Variants in NBEA observed in about 807,000 individuals in gnomAD.
NBEA encodes the protein lysosomal-trafficking regulator 2.
A neutral mutation model predicts 343.4 loss-of-function variants in NBEA; 44 were observed. The ratio of observed to expected loss-of-function variants is 0.13; its 90% CI spans 0.10 to 0.16. NBEA has a LOEUF of 0.16. NBEA is among the 10% of genes least tolerant of loss of function. The pLI is 1.00. For synonymous variants in NBEA, 1,175 were observed against 1,238.7 expected (o/e 0.95, Z 1.08); for missense variants, 2,555 against 3,631.3 (o/e 0.70, Z 7.62).
At chr13:35,311,495 A>G (rs899926741) in intron 36 of NBEA, among the ~76,000 whole-genome samples, 6 of 152,038 alleles carry the variant, frequency 3.9e-5, no homozygotes. Flanking sequence ...TCAGTGGTAG[A>G]ATTTGGGATT....
At chr13:35,566,305 G>A (rs1312528683) in intron 44 of NBEA, among the ~76,000 whole-genome samples, 1 of 152,164 alleles carries the variant, frequency 6.6e-6, no homozygotes, top group Non-Finnish European at 1.5e-5. Flanking sequence ...AGGTTGCGGT[G>A]AGCCAAGATC....
intron 49 of NBEA, among the ~76,000 whole-genome samples, chr13:35,631,620 C>A (rs1455217821): frequency 2.5e-5 from 3 of 121,430 alleles, no homozygotes; most frequent in East Asian, 2.5e-4. Context: ...ATATGAATAT[C>A]TATATATGTC....
chr13:35,283,322 A>G (rs909782219), intron 34 of NBEA, among the ~76,000 whole-genome samples: 1 of 152,174 alleles, frequency 6.6e-6, no homozygotes, highest in Non-Finnish European at 1.5e-5. Context: ...TTATTTGGGT[A>G]TTGTGTAACT....
rs567066657 is a variant in NBEA, at chr13:35,095,527, A to G, written c.1572-2770A>G. 9.0e-4 allele frequency among the ~76,000 whole-genome samples: 137 copies of G among 151,760 alleles called. 1 individual carries two copies. The highest frequency in any genetic ancestry group is 3.4e-3 in the Middle Eastern group (1 of 294). On this transcript the variant is annotated intron_variant, in intron 10 of 58. Transcript: ENST00000379939. ...CTAGCCCTTTAAAATATGATACTTG[A>G]AATAAATGTTAGTTTCTAACTTAAA...
intron 1 of NBEA, among the ~76,000 whole-genome samples, chr13:35,021,348 C>A (rs2061832042): frequency 1.3e-5 from 2 of 152,124 alleles, no homozygotes. Context: ...AAAAAGTTTG[C>A]TGACCCTCTG....
At chr13:35,127,377 G>T (rs2067188244) in intron 17 of NBEA, among the ~76,000 whole-genome samples, 1 of 152,180 alleles carries the variant, frequency 6.6e-6, no homozygotes, top group African/African-American at 2.4e-5. Flanking sequence ...AATGACTGGA[G>T]AAACTATTGC....
intron 46 of NBEA, 118 bp from the exon 47 acceptor site, chr13:35,593,210 C>G: frequency 8.5e-7 from 1 of 1,171,002 alleles, no homozygotes; most frequent in Non-Finnish European, 1.2e-6. Flanking sequence ...GGGCATCTTT[C>G]TAGGACCCTG....
chr13:35,048,288 T>A (rs1422847079), intron 4 of NBEA, among the ~76,000 whole-genome samples: 1 of 151,988 alleles, frequency 6.6e-6, no homozygotes, highest in East Asian at 1.9e-4. Context: ...AGATGGCGAC[T>A]TCTTGGAGTA....
intron 1 of NBEA, among the ~76,000 whole-genome samples, chr13:35,038,102 C>T (rs1039918358): frequency 3.3e-5 from 5 of 152,152 alleles, no homozygotes; most frequent in African/African-American, 1.2e-4. Flanking sequence ...CACTTTTCCC[C>T]TTTTCCCCTT....
chr13:35,339,315 A>G (rs1233547805), intron 36 of NBEA, among the ~76,000 whole-genome samples: 1 of 152,100 alleles, frequency 6.6e-6, no homozygotes, highest in Admixed American at 6.6e-5. Context: ...AAATGGCAGG[A>G]TATGAGACCA....
chr13:35,421,914 T>C (rs2044298258), intron 38 of NBEA, among the ~76,000 whole-genome samples: 1 of 152,098 alleles, frequency 6.6e-6, no homozygotes, highest in Non-Finnish European at 1.5e-5. Context: ...GAGATGCCAC[T>C]TTTCTCTGGC....
At position 35,157,062 on chromosome 13, in the gene NBEA, A is replaced by AT; in HGVS notation, c.2652-9dup. 6.0e-6 allele frequency: 9 copies of AT among 1,510,726 alleles called. No individual in the cohort carries two copies. Among genetic ancestry groups the AT allele is most frequent in the South Asian group, 4.1e-5 (3 of 72,790 alleles). 93.6% of individuals were successfully genotyped at this position (1,510,726 alleles called of 1,614,324 possible). A position where few individuals can be genotyped will look rare whatever the true frequency, so the allele number is the denominator to read the frequency against. ...ATTTGGATATTTTTAATGAGATCAA[A>AT]TTTTTTTCTCCCTAGATGCTTATTG... On this transcript the variant is annotated splice_polypyrimidine_tract_variant and intron_variant, in intron 20 of 58. Coordinates refer to ENST00000379939, the MANE Select transcript of NBEA (RefSeq NM_001385012.1).
intron 33 of NBEA, among the ~76,000 whole-genome samples, chr13:35,221,992 GT>G (rs1399866203): frequency 1.3e-5 from 2 of 152,112 alleles, no homozygotes; most frequent in Non-Finnish European, 2.9e-5. Flanking sequence ...TCAGAGAAGT[GT>G]TTTTGATTTT....
intron 1 of NBEA, among the ~76,000 whole-genome samples, chr13:35,034,099 A>T (rs1188331773): frequency 6.6e-6 from 1 of 151,324 alleles, no homozygotes. Context: ...TAGAGAAATG[A>T]CTTTTAGTTT....
intron 38 of NBEA, among the ~76,000 whole-genome samples, chr13:35,387,178 A>G (rs547615306): frequency 6.6e-6 from 1 of 152,276 alleles, no homozygotes; most frequent in South Asian, 2.1e-4. Context: ...ATAATCATAT[A>G]TATTCTACCT....
At chr13:35,024,036 C>T (rs984344140) in intron 1 of NBEA, among the ~76,000 whole-genome samples, 4 of 152,170 alleles carry the variant, frequency 2.6e-5, no homozygotes, top group Non-Finnish European at 5.9e-5. Flanking sequence ...TCCACATGCA[C>T]TCCATGTTTA....
chr13:34,970,152 C>T (rs1390096484), intron 1 of NBEA, among the ~76,000 whole-genome samples: 2 of 152,092 alleles, frequency 1.3e-5, no homozygotes. Flanking sequence ...ATCAGTGATG[C>T]TGAGCTTTGT....
chr13:35,648,180 C>CTT lies in NBEA; in HGVS notation c.7771-1449_7771-1448dup, dbSNP rs949635885. 3.0e-3 allele frequency among the ~76,000 whole-genome samples: 312 copies of CTT among 104,176 alleles called. 9 individuals are homozygous for CTT. Among genetic ancestry groups the CTT allele is most frequent in the Non-Finnish European group, 4.4e-3 (230 of 51,696 alleles). 68.3% of individuals were successfully genotyped at this position (104,176 alleles called of 152,430 possible). A position where few individuals can be genotyped will look rare whatever the true frequency, so the allele number is the denominator to read the frequency against. ...TGCCTGCCTGGTGTGTGTTTAAACT[C>CTT]TTTTTTTTTTTTTTTTTTTTTTTTT... On this transcript the variant is annotated intron_variant, in intron 51 of 58. Coordinates refer to ENST00000379939, the MANE Select transcript of NBEA (RefSeq NM_001385012.1).
chr13:35,177,204 G>T, intron 28 of NBEA, 101 bp downstream of exon 28: 3 of 849,820 alleles, frequency 3.5e-6, no homozygotes, highest in Non-Finnish European at 3.8e-6. Context: ...ACATTCCCTA[G>T]TATCTGGGAT....
Sources: allele counts gnomAD v4.1 joint callset (sites outside exome capture counted in the v4.1 genomes callset), GRCh38; gene constraint gnomAD v4.1.1; transcripts MANE v1.5; gene names NCBI Gene and HGNC (gene_info 2026-07-23, HGNC 2026-07-21).